Variants in PHF8 observed in about 807,000 individuals in gnomAD.
The protein encoded by PHF8 is histone lysine demethylase PHF8.
A neutral mutation model predicts 74.4 loss-of-function variants in PHF8; 9 were observed. The observed-to-expected ratio is 0.12, with a 90% CI of 0.07 to 0.21. The LOEUF (loss-of-function observed/expected upper bound fraction) is 0.21, where lower values mean the gene tolerates loss of function less well. PHF8 is among the 10% of genes least tolerant of loss of function. The pLI is 1.00. For synonymous variants in PHF8, 311 were observed against 316.6 expected (o/e 0.98, Z 0.19); for missense variants, 478 against 816.6 (o/e 0.59, Z 5.05).
At chrX:54,027,984 CCACACA>C (rs782177087) in intron 2 of PHF8, among the ~76,000 whole-genome samples, 1,714 of 96,479 alleles carry the variant, frequency 0.018, 12 homozygotes, top group South Asian at 0.035. Flanking sequence ...ACTATACACA[CCACACA>C]CACACACACA....
intron 18 of PHF8, among the ~76,000 whole-genome samples, chrX:53,976,112 G>A (rs1557096008): frequency 2.7e-5 from 3 of 110,176 alleles, no homozygotes; most frequent in Non-Finnish European, 5.7e-5. Flanking sequence ...TCAGGAGCTC[G>A]AGACCAGCCT....
chrX:53,949,541 T>G (rs1191729208), intron 19 of PHF8, among the ~76,000 whole-genome samples: 1 of 109,168 alleles, frequency 9.2e-6, no homozygotes, highest in Non-Finnish European at 1.9e-5. Flanking sequence ...GGCCGGGCGC[T>G]GTGGCTCATG....
intron 19 of PHF8, 74 bp from the exon 20 acceptor site, chrX:53,944,317 G>A: frequency 1.3e-6 from 1 of 754,336 alleles, no homozygotes. Flanking sequence ...CTACCTCCAA[G>A]CTCTCCAAAG....
intron 19 of PHF8, among the ~76,000 whole-genome samples, chrX:53,953,486 T>C (rs1325160115): frequency 9.4e-6 from 1 of 106,898 alleles, no homozygotes; most frequent in Non-Finnish European, 1.9e-5. Flanking sequence ...ACTAAAAATA[T>C]AAAAATTAGC....
intron 19 of PHF8, among the ~76,000 whole-genome samples, chrX:53,950,074 GA>G (rs1405619005): frequency 9.0e-6 from 1 of 111,072 alleles, no homozygotes; most frequent in African/African-American, 3.3e-5. Context: ...CAGCAACCTG[GA>G]AAGCACTTGA....
intron 7 of PHF8, among the ~76,000 whole-genome samples, chrX:54,012,996 T>A (rs2066006046): frequency 1.9e-5 from 2 of 106,684 alleles, no homozygotes; most frequent in South Asian, 8.4e-4. Context: ...CATGCACCTA[T>A]AGTCCCAGCT....
chrX:53,998,283 G>A (rs1158009064), intron 11 of PHF8, among the ~76,000 whole-genome samples: 7 of 109,163 alleles, frequency 6.4e-5, no homozygotes, highest in Admixed American at 9.8e-5. Flanking sequence ...GTGAAACCCC[G>A]TCTCTATTAA....
chrX:54,033,434 G>A (rs185416975), intron 2 of PHF8, among the ~76,000 whole-genome samples: 11 of 112,087 alleles, frequency 9.8e-5, no homozygotes, highest in South Asian at 7.3e-4. Context: ...TGAAAGTGTC[G>A]CCGGGCACAG....
At chrX:54,016,796 G>C in intron 5 of PHF8, 60 bp from the exon 6 acceptor site, 1 of 955,013 alleles carries the variant, frequency 1.0e-6, no homozygotes, top group East Asian at 3.1e-5. Context: ...AGACTCTCTT[G>C]TCCCCTCATC....
chrX:53,968,296 G>A (rs963458746), intron 18 of PHF8, among the ~76,000 whole-genome samples: 29 of 111,809 alleles, frequency 2.6e-4, no homozygotes, highest in Non-Finnish European at 5.1e-4. Flanking sequence ...AGACTACTAT[G>A]AACAACTATA....
intron 18 of PHF8, among the ~76,000 whole-genome samples, chrX:53,976,365 CAAAT>C (rs782531694): frequency 8.2e-5 from 9 of 110,382 alleles, no homozygotes; most frequent in Non-Finnish European, 1.1e-4. Flanking sequence ...AAAAAGGTCT[CAAAT>C]AAATAATCTA....
intron 18 of PHF8, among the ~76,000 whole-genome samples, chrX:53,982,510 ATATT>A (rs2065494471): frequency 8.9e-6 from 1 of 112,913 alleles, no homozygotes; most frequent in Non-Finnish European, 1.9e-5. Context: ...TGCTTTCTGT[ATATT>A]TATTTAACTC....
chrX:53,993,841 T>C lies in PHF8; in HGVS notation c.1386A>G (p.Pro462=). ...SNIFGLQRIF[P]AGSIPLTRPA... ...GCCTGGTTAGGGGAATGGAGCCGGC[T>C]GGGAAGATCCTCTGCAGCCCAAAGA... The change falls in exon 13 of 22, where the codon CCA becomes CCG. Residue 462 remains proline (P), a synonymous_variant. Transcript: ENST00000338154. 1.7e-6 allele frequency: 2 copies of C among 1,208,615 alleles called. No homozygotes were observed. The highest frequency in any genetic ancestry group is 2.2e-6 in the Non-Finnish European group (2 of 892,413).
chrX:54,035,029 G>A (rs1348160973), intron 2 of PHF8, among the ~76,000 whole-genome samples: 1 of 109,555 alleles, frequency 9.1e-6, no homozygotes, highest in Non-Finnish European at 1.9e-5. Context: ...CGATTAATTA[G>A]ATTATAAACA....
chrX:53,999,628 A>G, intron 11 of PHF8: 1 of 367,523 alleles, frequency 2.7e-6, no homozygotes. Flanking sequence ...CATAGGTGAT[A>G]ATTTTCCTTC....
At chrX:53,960,323 C>T (rs1003873801) in intron 19 of PHF8, among the ~76,000 whole-genome samples, 6 of 108,468 alleles carry the variant, frequency 5.5e-5, no homozygotes, top group Non-Finnish European at 1.2e-4. Context: ...GATCCACCCG[C>T]CTCGGCCTCC....
chrX:53,985,756 G>A, intron 17 of PHF8, 60 bp downstream of exon 17: 1 of 1,209,335 alleles, frequency 8.3e-7, no homozygotes, highest in Non-Finnish European at 1.1e-6. Context: ...TGGCACCTTG[G>A]GCGGGAGCGG....
intron 19 of PHF8, among the ~76,000 whole-genome samples, chrX:53,946,213 A>C (rs2064830017): frequency 8.9e-6 from 1 of 112,087 alleles, no homozygotes; most frequent in South Asian, 3.7e-4. Flanking sequence ...CAGCACCAAA[A>C]TATTACCCAT....
At chrX:54,036,868 C>T (rs1229729599) in intron 2 of PHF8, among the ~76,000 whole-genome samples, 15 of 107,854 alleles carry the variant, frequency 1.4e-4, no homozygotes, top group Admixed American at 1.0e-3. Flanking sequence ...GGCGTGGTGG[C>T]GAGCGCCTAT....
Sources: gnomAD v4.1 joint callset for allele counts (sites outside exome capture counted in the v4.1 genomes callset) on GRCh38, gnomAD v4.1.1 for gene constraint, MANE v1.5 for transcripts, NCBI Gene and HGNC (gene_info 2026-07-23, HGNC 2026-07-21) for gene names.